The following ZNF71 variants were observed in gnomAD, a reference collection of about 807,000 sequenced individuals.
ZNF71 encodes zinc finger protein 71.
ZNF71 carries 3 observed loss-of-function variants against 6.7 expected under a neutral mutation model. That is an observed-to-expected ratio of 0.45 (90% CI 0.20 to 1.16). The LOEUF is 1.16. Ranked by LOEUF, ZNF71 falls within the 50% of genes most tolerant of loss-of-function variation. The pLI is 0.25. For missense variants in ZNF71, 688 were observed against 728.6 expected (o/e 0.94, Z 0.64); for synonymous variants, 343 against 311.1 (o/e 1.10, Z -1.08).
In ZNF71 at chr19:56,622,291, T is replaced by C. The variant is rs772784504; in HGVS notation, c.1184T>C (p.Phe395Ser). ...GTGTGCGGCGAGTGCGGCAAGGCCT[T>C]CAGCCAGAGCTCCTACCTCATCCAG... ...PYVCGECGKA[F>S]SQSSYLIQHQ... The change falls in exon 4 of 4, where the codon TTC becomes TCC. Residue 395 changes from phenylalanine to serine, a missense_variant. Phe to Ser is a radical substitution (Grantham distance 155, BLOSUM62 -2). Transcript: ENST00000599599. 6.2e-7 allele frequency: 1 copy of C among 1,609,350 alleles called. No homozygotes were observed. The highest frequency in any genetic ancestry group is 1.1e-5 in the South Asian group (1 of 91,010).
chr19:56,617,735 G>A (rs1453705666), intron 3 of ZNF71, among the ~76,000 whole-genome samples: 2 of 152,128 alleles, frequency 1.3e-5, no homozygotes, highest in Non-Finnish European at 2.9e-5. Context: ...CACAGCTGTC[G>A]TGGTTAAGGG....
intron 2 of ZNF71, among the ~76,000 whole-genome samples, chr19:56,606,909 C>T (rs563537853): frequency 1.3e-5 from 2 of 152,176 alleles, no homozygotes; most frequent in East Asian, 3.9e-4. Flanking sequence ...AGCCCACATT[C>T]AAGGATGGGG....
At chr19:56,602,240 C>CT (rs1230737834) in intron 2 of ZNF71, among the ~76,000 whole-genome samples, 1 of 152,056 alleles carries the variant, frequency 6.6e-6, no homozygotes, top group Non-Finnish European at 1.5e-5. Context: ...TCCAAGTATT[C>CT]TTTTTTTGGT....
intron 2 of ZNF71, among the ~76,000 whole-genome samples, chr19:56,607,228 G>A (rs2044716814): frequency 2.0e-5 from 3 of 152,128 alleles, no homozygotes; most frequent in Admixed American, 1.3e-4. Context: ...TTCCTTGCTT[G>A]GGCAGCAGGA....
rs753057359 is a variant in ZNF71 at position 56,621,588 on chromosome 19, G to A, written c.481G>A (p.Ala161Thr). Residue 161 changes from alanine to threonine, a missense_variant, in exon 4 of 4, where the codon GCC becomes ACC. Coordinates refer to ENST00000599599, the MANE Select transcript of ZNF71 (RefSeq NM_001370215.1). ...PRLDDPTEKG[A>T]CPPVRRGKNF... Reference sequence around the variant, plus strand: ...GCTGGACGACCCCACAGAAAAGGGGGCCTGTCCACCCGTAAGGCGTGGCAA... The same window carrying A: ...GCTGGACGACCCCACAGAAAAGGGGACCTGTCCACCCGTAAGGCGTGGCAA... 9.3e-6 allele frequency: 15 copies of A among 1,614,216 alleles called. No homozygotes were observed. Among genetic ancestry groups the A allele is most frequent in the Non-Finnish European group, 1.2e-5 (14 of 1,180,032 alleles).
intron 2 of ZNF71, among the ~76,000 whole-genome samples, chr19:56,601,848 G>T (rs965976404): frequency 2.6e-5 from 4 of 152,084 alleles, no homozygotes; most frequent in Non-Finnish European, 5.9e-5. Flanking sequence ...GGGAAGTGGT[G>T]GTTTAGACAT....
rs535010129 is a variant in ZNF71 at position 56,606,829 on chromosome 19, G to A, written c.33+5238G>A. 5.3e-5 allele frequency among the ~76,000 whole-genome samples: 8 copies of A among 152,156 alleles called. No individual in the cohort carries two copies. The South Asian group carries it at 1.5e-3, about 28-fold the overall frequency. On this transcript the variant is annotated intron_variant, in intron 2 of 3. Transcript: ENST00000599599. ...CTGAGGCAGGAGCTGGAAGTCTTCT[G>A]TGATCTAGCCTGAGAGTCCCAGAAC...
chr19:56,620,650 G>A (rs939215916), intron 3 of ZNF71, among the ~76,000 whole-genome samples: 4 of 151,864 alleles, frequency 2.6e-5, no homozygotes, highest in Non-Finnish European at 5.9e-5. Context: ...TCCCACCTCA[G>A]CCTCTCAAGT....
chr19:56,609,207 C>T (rs868573441), intron 2 of ZNF71, among the ~76,000 whole-genome samples: 1 of 152,100 alleles, frequency 6.6e-6, no homozygotes, highest in Non-Finnish European at 1.5e-5. Context: ...AATGAATTCT[C>T]CCACTTCCCC....
At position 56,598,095 on chromosome 19, in the gene ZNF71, T is replaced by A. The variant is rs574611685; in HGVS notation, c.-53+2667T>A. On this transcript the variant is annotated intron_variant, in intron 1 of 3. Transcript: ENST00000599599. The surrounding 1 kb of genome is among the most constrained non-coding windows in gnomAD (Gnocchi z 4.2). ...CATGGAGGGAAGACAGATGACAAAC[T>A]TGAAAACAACTATTTTAAAAAAGAC... Among the ~76,000 whole-genome samples, 5 of 152,298 alleles carry A rather than the reference T, an allele frequency of 3.3e-5. No homozygotes were observed. The East Asian group carries it at 9.6e-4, about 29-fold the overall frequency.
intron 3 of ZNF71, among the ~76,000 whole-genome samples, chr19:56,619,245 T>C (rs1345039823): frequency 2.0e-5 from 3 of 152,116 alleles, no homozygotes; most frequent in Non-Finnish European, 2.9e-5. Flanking sequence ...TGTGCAGCCA[T>C]CACCGCCATC....
intron 2 of ZNF71, among the ~76,000 whole-genome samples, chr19:56,604,653 G>C (rs80280730): frequency 6.6e-6 from 1 of 152,154 alleles, no homozygotes; most frequent in Non-Finnish European, 1.5e-5. Flanking sequence ...CCAGGATTCC[G>C]TTGCAGAGTG....
rs1046453487 is a variant in ZNF71, at chr19:56,613,454, G to A, written c.34-358G>A. 2.6e-5 allele frequency among the ~76,000 whole-genome samples: 4 copies of A among 152,244 alleles called. No homozygotes were observed. The highest frequency in any genetic ancestry group is 2.0e-4 in the Admixed American group (3 of 15,286). Reference sequence around the variant, plus strand: ...TGGTGCTTAGTAGGGGCTCAGAAAAGTTAGCTGTGCCCCTGGATTCCATCT... The same window carrying A: ...TGGTGCTTAGTAGGGGCTCAGAAAAATTAGCTGTGCCCCTGGATTCCATCT... On this transcript the variant is annotated intron_variant, in intron 2 of 3. Coordinates refer to ENST00000599599, the MANE Select transcript of ZNF71 (RefSeq NM_001370215.1). The surrounding 1 kb of genome is among the most constrained non-coding windows in gnomAD (Gnocchi z 4.6).
In ZNF71 at chr19:56,618,462, T is replaced by G. The variant is rs2044815201; in HGVS notation, c.161-2806T>G. ...GCAGGCTGTGTGAGGAGCTGGGGGGTGAGCAAGGCCCTTGCCTCTAGTGGA... is the reference window on the plus strand; with the variant it reads ...GCAGGCTGTGTGAGGAGCTGGGGGGGGAGCAAGGCCCTTGCCTCTAGTGGA... On this transcript the variant is annotated intron_variant, in intron 3 of 3. Transcript: ENST00000599599. The surrounding 1 kb of genome is among the most constrained non-coding windows in gnomAD (Gnocchi z 4.6). 6.6e-6 allele frequency among the ~76,000 whole-genome samples: 1 copy of G among 151,854 alleles called. No homozygotes were observed. Among genetic ancestry groups the G allele is most frequent in the Admixed American group, 6.6e-5 (1 of 15,240 alleles).
chr19:56,607,010 A>G (rs963831624), intron 2 of ZNF71, among the ~76,000 whole-genome samples: 2 of 152,186 alleles, frequency 1.3e-5, no homozygotes, highest in Non-Finnish European at 2.9e-5. Context: ...ATATTGAAAG[A>G]GACAGTGAAA....
At chr19:56,617,107 C>CTTTTTTTTTTTTTTTTTTTTTTTTT (rs200131241) in intron 3 of ZNF71, among the ~76,000 whole-genome samples, 1 of 117,096 alleles carries the variant, frequency 8.5e-6, no homozygotes, top group Non-Finnish European at 1.7e-5. Context: ...CTTCCATTTT[C>CTTTTTTTTTTTTTTTTTTTTTTTTT]TTTTGTTTTT....
rs147869247 is a variant in ZNF71, at chr19:56,621,800, G to C, written c.693G>C (p.Ser231=). 79 of 1,613,940 alleles carry C rather than the reference G, an allele frequency of 4.9e-5. No homozygotes were observed. In the African/African-American group the frequency reaches 9.7e-4, roughly 20 times the overall value. Residue 231 remains serine, a synonymous_variant, in exon 4 of 4, where the codon TCG becomes TCC. Coordinates refer to ENST00000599599, the MANE Select transcript of ZNF71 (RefSeq NM_001370215.1). ...GTGGGAAGCACTTCATCGAGCGCTC[G>C]TCCCTCACCATCCACCAGCGGGTGC... ...DTCGKHFIER[S]SLTIHQRVHT... is the part of the protein sequence containing the mutation.
rs955889020 is a variant in ZNF71 at position 56,624,112 on chromosome 19, TG to T, written c.*1356del. On this transcript the variant is annotated 3_prime_UTR_variant, in exon 4 of 4. Transcript: ENST00000599599. ...GTTATTTGATACTACTGGTTGCTAA[TG>T]TTCTGGCATTTCCAGTTGTTCCACA... is the stretch of plus-strand genomic sequence containing the variant. 2 of 166,712 alleles carry T rather than the reference TG, an allele frequency of 1.2e-5. No individual in the cohort carries two copies. Among genetic ancestry groups the T allele is most frequent in the African/African-American group, 4.8e-5 (2 of 41,466 alleles). The allele number at this position is 166,712 out of a possible 1,614,324, so 10.3% of individuals were successfully genotyped here. A position where few individuals can be genotyped will look rare whatever the true frequency, so the allele number is the denominator to read the frequency against.
intron 1 of ZNF71, among the ~76,000 whole-genome samples, chr19:56,600,107 T>A (rs1046765943): frequency 6.8e-6 from 1 of 147,764 alleles, no homozygotes; most frequent in African/African-American, 2.5e-5. Flanking sequence ...TTTTTTTTTT[T>A]TTTTTTTGAG....
Sources: allele counts gnomAD v4.1 joint callset (sites outside exome capture counted in the v4.1 genomes callset), GRCh38; gene constraint gnomAD v4.1.1; non-coding constraint Gnocchi (gnomAD v3.1); transcripts MANE v1.5; gene names NCBI Gene and HGNC (gene_info 2026-07-23, HGNC 2026-07-21).